Variants in ABCA1 observed in about 807,000 individuals in gnomAD.
ABCA1 encodes the protein phospholipid-transporting ATPase ABCA1.
A neutral mutation model predicts 262.5 loss-of-function variants in ABCA1; 133 were observed. The ratio of observed to expected loss-of-function variants is 0.51; its 90% confidence interval spans 0.44 to 0.59. The LOEUF (loss-of-function observed/expected upper bound fraction) is 0.59. ABCA1 is among the 20% of genes least tolerant of loss of function. The pLI is 0.00. For synonymous variants in ABCA1, 1,022 were observed against 1,043.5 expected, an observed-to-expected ratio of 0.98 and a Z score of 0.40; for missense variants, 2,452 against 2,777.5, an observed-to-expected ratio of 0.88 and a Z score of 2.63.
intron 31 of ABCA1, among the ~76,000 whole-genome samples, chr9:104,805,674 G>A (rs765539963): frequency 1.2e-4 from 18 of 152,194 alleles, no homozygotes; most frequent in Non-Finnish European, 1.9e-4. Context: ...ATTTGTTGCA[G>A]AGCCAAGATT....
intron 1 of ABCA1, among the ~76,000 whole-genome samples, chr9:104,919,133 T>G (rs1302629489): frequency 6.6e-6 from 1 of 152,202 alleles, no homozygotes; most frequent in Non-Finnish European, 1.5e-5. Flanking sequence ...TAGAAAGCTT[T>G]GTGTCTTACC....
At chr9:104,839,465 G>A (rs759777356) in intron 9 of ABCA1, among the ~76,000 whole-genome samples, 14 of 152,184 alleles carry the variant, frequency 9.2e-5, no homozygotes, top group Admixed American at 2.6e-4. Context: ...AGGGTAAAAT[G>A]AGATAACTTA....
intron 5 of ABCA1, among the ~76,000 whole-genome samples, chr9:104,863,128 T>C (rs1836781697): frequency 6.6e-6 from 1 of 152,142 alleles, no homozygotes. Flanking sequence ...TCCAGAATTT[T>C]AGTTTCTAGA....
rs544087946 is a variant in ABCA1, at chr9:104,925,372, T to C, written c.-93+2563A>G. 3.0e-5 allele frequency among the ~76,000 whole-genome samples: 3 copies of C among 100,856 alleles called. No individual in the cohort carries two copies. In the East Asian group the frequency reaches 1.2e-3, roughly 41 times the overall value. The allele number at this position is 100,856 out of a possible 152,430, so 66.2% of individuals were successfully genotyped here. On this transcript the variant is annotated intron_variant, in intron 1 of 49. Transcript: ENST00000374736. ...GCCTGGGAAACAGAGCGAGACTGCATCTCAAAAAAAAAAAAAATGTGCCCA... is the reference window on the plus strand; with the variant it reads ...GCCTGGGAAACAGAGCGAGACTGCACCTCAAAAAAAAAAAAAATGTGCCCA...
chr9:104,904,483 G>C (rs561246346), intron 1 of ABCA1, among the ~76,000 whole-genome samples: 2 of 151,012 alleles, frequency 1.3e-5, no homozygotes, highest in Non-Finnish European at 2.9e-5. Flanking sequence ...CAGGAGAATC[G>C]CTGAACCTGG....
chr9:104,855,728 C>T, intron 7 of ABCA1: 1 of 1,544,964 alleles, frequency 6.5e-7, no homozygotes, highest in Non-Finnish European at 8.7e-7. Flanking sequence ...TATCCGACAT[C>T]AATGCTGGTA....
At chr9:104,867,980 A>T (rs1272266530) in intron 5 of ABCA1, among the ~76,000 whole-genome samples, 1 of 152,240 alleles carries the variant, frequency 6.6e-6, no homozygotes. Context: ...CACTGGATAC[A>T]GCATCACAGG....
intron 3 of ABCA1, among the ~76,000 whole-genome samples, chr9:104,886,851 T>G (rs1839221258): frequency 6.6e-6 from 1 of 152,116 alleles, no homozygotes; most frequent in South Asian, 2.1e-4. Flanking sequence ...TGGGGAAGAT[T>G]TACAGAGAAT....
chr9:104,836,928 T>C, intron 11 of ABCA1, 52 bp downstream of exon 11: 2 of 1,418,896 alleles, frequency 1.4e-6, no homozygotes, highest in Non-Finnish European at 2.0e-6. Flanking sequence ...GACCAGAAAC[T>C]CACCTCTCCA....
intron 1 of ABCA1, among the ~76,000 whole-genome samples, chr9:104,926,574 C>T (rs1017531013): frequency 2.6e-5 from 4 of 152,168 alleles, no homozygotes; most frequent in Non-Finnish European, 5.9e-5. Context: ...CGAGCAAAGA[C>T]ACCTAGTAGA....
Position 104,812,714 on chromosome 9 carries a change from C to T in ABCA1, c.3910G>A (p.Glu1304Lys). ...NDSDIDPESR[E>K]TDLLSGMDGK... Reference sequence around the variant, plus strand: ...TCCATCCCACTGAGCAAGTCTGTCTCTCTGGATTCTGCAAGAAGCCAACAC... The same window carrying T: ...TCCATCCCACTGAGCAAGTCTGTCTTTCTGGATTCTGCAAGAAGCCAACAC... Residue 1304 changes from glutamate to lysine, a missense_variant, in exon 28 of 50, where the codon GAG (glutamate) becomes AAG (lysine). This residue lies in a region of ABCA1 where 665 missense variants were observed against 727.3 expected (regional missense o/e 0.91). Transcript: ENST00000374736. 6.2e-7 allele frequency: 1 copy of T among 1,614,246 alleles called. No individual in the cohort carries two copies. The highest frequency in any genetic ancestry group is 2.2e-5 in the East Asian group (1 of 44,892).
rs934513167 is a variant in ABCA1, at chr9:104,806,464, A to T, written c.4275-34T>A. The T allele has an allele frequency of 4.3e-6, 7 of 1,611,468 alleles. No homozygotes were observed. The Admixed American group carries it at 1.2e-4, about 27-fold the overall frequency. On this transcript the variant is annotated intron_variant, in intron 30 of 49. Transcript: ENST00000374736. ...GGAAGACAGCAAGAGTAGGATTACCAGAGATGGCCTGGCCTTTCTGTTGCC... is the reference window on the plus strand; with the variant it reads ...GGAAGACAGCAAGAGTAGGATTACCTGAGATGGCCTGGCCTTTCTGTTGCC...
chr9:104,866,734 C>T (rs889787014), intron 5 of ABCA1, among the ~76,000 whole-genome samples: 11 of 152,164 alleles, frequency 7.2e-5, no homozygotes, highest in Non-Finnish European at 1.2e-4. Context: ...GTGATCCACT[C>T]GCCTTGGCCT....
chr9:104,914,103 A>C (rs1279997094), intron 1 of ABCA1, among the ~76,000 whole-genome samples: 2 of 150,982 alleles, frequency 1.3e-5, no homozygotes, highest in Non-Finnish European at 2.9e-5. Flanking sequence ...CCGGCCCCCT[A>C]CAAGTTTTTG....
Position 104,836,962 on chromosome 9 carries a change from A to T in ABCA1, c.1311+18T>A, listed in dbSNP as rs1239873899. 6.3e-7 allele frequency: 1 copy of T among 1,591,286 alleles called. No individual in the cohort carries two copies. The highest frequency in any genetic ancestry group is 8.6e-7 in the Non-Finnish European group (1 of 1,159,292). On this transcript the variant is annotated intron_variant, in intron 11 of 49. Transcript: ENST00000374736. The stretch of plus-strand genomic sequence containing the variant: ...CAGTATCAAGCAGGCACATGGTAAT[A>T]ATGGGAGGGACACTCACCCGGACAA...
Position 104,818,367 on chromosome 9 carries a change from T to C in ABCA1, c.3462+296A>G, listed in dbSNP as rs78576664. Among the ~76,000 whole-genome samples the C allele has an allele frequency of 5.4e-3, 816 of 152,314 alleles. 12 individuals carry two copies. The highest frequency in any genetic ancestry group is 0.019 in the African/African-American group (782 of 41,566). On this transcript the variant is annotated intron_variant, in intron 23 of 49. Transcript: ENST00000374736. The stretch of plus-strand genomic sequence containing the variant: ...ACCAGGTCATTTGTAGCCAAGGCTC[T>C]TACCTCTTGACAAGTCTCTTTTCTT...
At chr9:104,824,396 T>G in intron 18 of ABCA1, 69 bp downstream of exon 18, 1 of 1,607,414 alleles carries the variant, frequency 6.2e-7, no homozygotes, top group South Asian at 1.1e-5. Context: ...GAGACATCGC[T>G]TGCCCCCAAC....
chr9:104,810,773 C>G (rs372227317), intron 29 of ABCA1, 27 bp downstream of exon 29: 13 of 1,614,052 alleles, frequency 8.1e-6, no homozygotes, highest in African/African-American at 1.3e-5. Context: ...ATCTTACCCC[C>G]TCCTGGGATG....
intron 30 of ABCA1, 89 bp downstream of exon 30, chr9:104,809,377 T>G (rs1236187929): frequency 8.2e-7 from 1 of 1,222,174 alleles, no homozygotes; most frequent in Admixed American, 1.8e-5. Flanking sequence ...GCGGTCACAA[T>G]GTGGCATGCA....
Sources: allele counts gnomAD v4.1 joint callset (sites outside exome capture counted in the v4.1 genomes callset), GRCh38; gene constraint gnomAD v4.1.1; regional missense constraint gnomAD v4.1.1; transcripts MANE v1.5; gene names NCBI Gene and HGNC (gene_info 2026-07-23, HGNC 2026-07-21).